Variants in BABAM2 observed in about 807,000 individuals in gnomAD.
The protein encoded by BABAM2 is BRISC and BRCA1 A complex member 2, also known as BRISC and BRCA1-A complex member 2.
Under a neutral mutation model 54.7 loss-of-function variants are expected in BABAM2, and 31 were observed. That is an observed-to-expected ratio of 0.57 (90% CI 0.43 to 0.77). The LOEUF (loss-of-function observed/expected upper bound fraction) is 0.77, where lower values mean the gene tolerates loss of function less well. BABAM2 is among the 30% of genes least tolerant of loss of function. BABAM2 has a pLI of 0.00. For synonymous variants in BABAM2, 167 were observed against 162.9 expected (o/e 1.03, Z -0.19); for missense variants, 364 against 455.8 (o/e 0.80, Z 1.83).
chr2:28,141,671 C>T (rs544906879), intron 7 of BABAM2, among the ~76,000 whole-genome samples: 49 of 152,256 alleles, frequency 3.2e-4, no homozygotes, highest in Non-Finnish European at 5.3e-4. Flanking sequence ...TGTGTTAGGA[C>T]CATGACCTCA....
intron 2 of BABAM2, among the ~76,000 whole-genome samples, chr2:27,910,992 T>G (rs984722394): frequency 9.2e-5 from 14 of 152,174 alleles, no homozygotes; most frequent in African/African-American, 3.4e-4. Context: ...CTTGTGATAG[T>G]GAGTTCTCAC....
At chr2:28,245,950 A>G (rs1682877746) in intron 10 of BABAM2, among the ~76,000 whole-genome samples, 1 of 152,216 alleles carries the variant, frequency 6.6e-6, no homozygotes, top group South Asian at 2.1e-4. Context: ...ATAGATAGTA[A>G]GGGCAGAAAC....
At chr2:27,950,047 T>C (rs1461573504) in intron 3 of BABAM2, among the ~76,000 whole-genome samples, 1 of 152,240 alleles carries the variant, frequency 6.6e-6, no homozygotes, top group African/African-American at 2.4e-5. Context: ...CAGTTGGCCC[T>C]GAAGTTCTAG....
At chr2:27,889,970 G>C (rs1212642918), upstream of BABAM2, 1 of 333,964 alleles carries the variant, frequency 3.0e-6, no homozygotes, top group Non-Finnish European at 5.5e-6. Context: ...AAGGTCTTTG[G>C]GGGCGCAAGT....
At chr2:28,295,206 TAAG>T (rs963981608) in intron 10 of BABAM2, among the ~76,000 whole-genome samples, 4 of 152,076 alleles carry the variant, frequency 2.6e-5, no homozygotes, top group African/African-American at 9.7e-5. Flanking sequence ...AACAAAATAA[TAAG>T]AACGAAAATA....
chr2:28,186,042 G>A (rs995534768), intron 7 of BABAM2, among the ~76,000 whole-genome samples: 1 of 152,208 alleles, frequency 6.6e-6, no homozygotes, highest in African/African-American at 2.4e-5. Context: ...GTTAAGGAAT[G>A]AAGCAGAGTT....
At chr2:28,052,004 G>T (rs2148622697) in intron 6 of BABAM2, among the ~76,000 whole-genome samples, 1 of 152,186 alleles carries the variant, frequency 6.6e-6, no homozygotes, top group Middle Eastern at 3.4e-3. Context: ...GCCATTGAAA[G>T]AATTAGAACC....
At chr2:27,932,819 A>G (rs1668193538) in intron 3 of BABAM2, among the ~76,000 whole-genome samples, 1 of 152,124 alleles carries the variant, frequency 6.6e-6, no homozygotes, top group Non-Finnish European at 1.5e-5. Context: ...CCTCTTCCTC[A>G]CATTATTACA....
chr2:28,153,383 T>C (rs1672241335), intron 7 of BABAM2, among the ~76,000 whole-genome samples: 1 of 152,256 alleles, frequency 6.6e-6, no homozygotes, highest in South Asian at 2.1e-4. Flanking sequence ...ACTTTGTTCA[T>C]ATACATATAG....
chr2:28,145,782 C>G (rs769454596), intron 7 of BABAM2, among the ~76,000 whole-genome samples: 1 of 152,208 alleles, frequency 6.6e-6, no homozygotes, highest in African/African-American at 2.4e-5. Context: ...CTTTCTGTCT[C>G]TATGGATTTG....
chr2:28,138,532 A>G (rs2147732681), intron 7 of BABAM2, among the ~76,000 whole-genome samples: 1 of 152,276 alleles, frequency 6.6e-6, no homozygotes, highest in Middle Eastern at 3.4e-3. Flanking sequence ...TTAAGGATCT[A>G]TATTCTATAG....
chr2:28,117,164 A>G (rs1668684349), intron 6 of BABAM2, among the ~76,000 whole-genome samples: 1 of 152,320 alleles, frequency 6.6e-6, no homozygotes, highest in Non-Finnish European at 1.5e-5. Flanking sequence ...CTGGTACTGC[A>G]GGCAGATTGC....
intron 10 of BABAM2, among the ~76,000 whole-genome samples, chr2:28,290,572 T>C (rs1198753356): frequency 1.3e-5 from 2 of 152,216 alleles, no homozygotes; most frequent in Non-Finnish European, 2.9e-5. Flanking sequence ...GTGTTTCTCA[T>C]GTGTCATGCG....
intron 4 of BABAM2, among the ~76,000 whole-genome samples, chr2:28,020,493 C>CA (rs140181366): frequency 0.011 from 1,704 of 152,180 alleles, 28 homozygotes; most frequent in African/African-American, 0.039. Context: ...TATCAGTTAT[C>CA]AACATTTCTC....
At chr2:27,892,470 A>G (rs1408101627) in intron 1 of BABAM2, 1 of 152,292 alleles carries the variant, frequency 6.6e-6, no homozygotes. Context: ...TTGCTTTTTT[A>G]TAAGATAGGT....
intron 6 of BABAM2, among the ~76,000 whole-genome samples, chr2:28,110,413 C>G (rs1269915399): frequency 6.6e-6 from 1 of 151,990 alleles, no homozygotes; most frequent in Non-Finnish European, 1.5e-5. Flanking sequence ...TACCTGAGGT[C>G]AGGAGTTCGA....
intron 10 of BABAM2, among the ~76,000 whole-genome samples, chr2:28,268,698 C>T (rs1381501317): frequency 6.6e-6 from 1 of 152,176 alleles, no homozygotes; most frequent in Non-Finnish European, 1.5e-5. Flanking sequence ...GGTGGCTCTA[C>T]CCAAGATCAC....
At chr2:27,890,157 T>C, upstream of BABAM2, 1 of 1,091,522 alleles carries the variant, frequency 9.2e-7, no homozygotes. This position sits in a 1 kb window ranked among gnomAD's most constrained non-coding sequence, Gnocchi z 4.8. Context: ...TAGCACTGTC[T>C]ATCCCTGGAG....
intron 2 of BABAM2, among the ~76,000 whole-genome samples, chr2:27,916,073 A>T (rs1179594425): frequency 1.3e-5 from 2 of 152,248 alleles, no homozygotes; most frequent in African/African-American, 4.8e-5. Context: ...TCAGGGTGAG[A>T]TCAAAGCTCT....
Sources: allele counts gnomAD v4.1 joint callset (sites outside exome capture counted in the v4.1 genomes callset), GRCh38; gene constraint gnomAD v4.1.1; non-coding constraint Gnocchi (gnomAD v3.1); transcripts MANE v1.5; gene names NCBI Gene and HGNC (gene_info 2026-07-23, HGNC 2026-07-21).